Variants in RPGR observed in about 807,000 individuals in gnomAD.
RPGR encodes the protein X-linked retinitis pigmentosa GTPase regulator.
A neutral mutation model predicts 56.3 loss-of-function variants in RPGR; 10 were observed. That is an observed-to-expected ratio of 0.18 (90% CI 0.11 to 0.30). The LOEUF (loss-of-function observed/expected upper bound fraction) is 0.30. Among genes scored for constraint, RPGR ranks in the 10% least tolerant of loss-of-function variants. The pLI, the probability that RPGR is intolerant of heterozygous loss-of-function variation, is 1.00. For synonymous variants in RPGR, 197 were observed against 212.9 expected (o/e 0.93, Z 0.65); for missense variants, 538 against 590.9 (o/e 0.91, Z 0.93).
chrX:38,327,308 G>C (rs758593728), intron 1 of RPGR, 32 bp downstream of exon 1: 567 of 1,170,546 alleles, frequency 4.8e-4, no homozygotes, highest in South Asian at 1.0e-3. Flanking sequence ...CCTCCCTCCC[G>C]GCCTTCCGCC....
intron 9 of RPGR, among the ~76,000 whole-genome samples, chrX:38,300,841 CTTTG>C (rs2067489146): frequency 8.9e-6 from 1 of 112,268 alleles, no homozygotes; most frequent in South Asian, 3.6e-4. Context: ...TGCCAAAACG[CTTTG>C]TTTATTATCA....
intron 15 of RPGR, chrX:38,287,070 T>G: frequency 1.7e-6 from 2 of 1,211,186 alleles, no homozygotes; most frequent in Non-Finnish European, 2.2e-6. Flanking sequence ...CTTCTCCCAC[T>G]GATTTTGCCT....
Position 38,310,715 on chromosome X carries a change from A to C in RPGR, c.678T>G (p.Asn226Lys). 8.3e-7 allele frequency: 1 copy of C among 1,210,655 alleles called. No individual in the cohort carries two copies. Among genetic ancestry groups the C allele is most frequent in the Non-Finnish European group, 1.1e-6 (1 of 894,950 alleles). The change falls in exon 7 of 19, where the codon AAT (asparagine) becomes AAG (lysine). Residue 226 changes from asparagine to lysine, a missense_variant. Transcript: ENST00000642395. ...GTGTTCTGTGATTGCCCAGGAGCTGATTGGGAAGACCTAACTTCCCATTCT... is the reference window on the plus strand; with the variant it reads ...GTGTTCTGTGATTGCCCAGGAGCTGCTTGGGAAGACCTAACTTCCCATTCT...
intron 15 of RPGR, chrX:38,286,609 T>C: frequency 9.1e-7 from 1 of 1,101,973 alleles, no homozygotes; most frequent in Non-Finnish European, 1.2e-6. Context: ...TTCCTCCTCT[T>C]CCCCCTCTCC....
At chrX:38,288,415 C>G (rs1002371198) in intron 13 of RPGR, among the ~76,000 whole-genome samples, 1 of 112,011 alleles carries the variant, frequency 8.9e-6, no homozygotes, top group African/African-American at 3.2e-5. Flanking sequence ...TAAAAATGTA[C>G]ACTTCTTGGC....
chrX:38,296,030 T>A (rs2067373268), intron 11 of RPGR: 1 of 112,483 alleles, frequency 8.9e-6, no homozygotes, highest in South Asian at 3.7e-4. Flanking sequence ...TTATTTGCCA[T>A]TGGCCGGGCG....
chrX:38,287,792 T>C (rs763679938), intron 14 of RPGR, 69 bp downstream of exon 14: 1 of 975,574 alleles, frequency 1.0e-6, no homozygotes, highest in Non-Finnish European at 1.5e-6. Context: ...TTTTCATGTC[T>C]ATATACCTCT....
chrX:38,321,087 G>C lies in RPGR; in HGVS notation c.250C>G (p.Leu84Val). The change falls in exon 4 of 19, where the codon CTA (leucine) becomes GTA (valine). Residue 84 changes from leucine to valine, a missense_variant and splice_region_variant. Around this residue, in one of 2 missense-constraint regions of RPGR, gnomAD observed 181 missense variants for 265.1 expected, o/e 0.68. Coordinates refer to ENST00000642395, the MANE Select transcript of RPGR (RefSeq NM_000328.3). ...GCTAATTTCACTTTTTCAGGTTTTA[G>C]AGCTAAAAATATTTAAAATGGGACA... The C allele has an allele frequency of 8.4e-7, 1 of 1,184,610 alleles. No homozygotes were observed. Among genetic ancestry groups the C allele is most frequent in the Non-Finnish European group, 1.1e-6 (1 of 870,986 alleles).
intron 17 of RPGR, chrX:38,275,041 G>T (rs1221352143): frequency 1.1e-6 from 1 of 925,946 alleles, no homozygotes; most frequent in South Asian, 2.0e-5. Flanking sequence ...ACATATATAT[G>T]TGTGTATGTA....
intron 4 of RPGR, among the ~76,000 whole-genome samples, chrX:38,320,242 A>T (rs2067907758): frequency 1.1e-5 from 1 of 92,919 alleles, no homozygotes; most frequent in Non-Finnish European, 2.0e-5. Context: ...CAGTGAAAAC[A>T]TCCTGAAGAC....
At chrX:38,302,906 G>A (rs776680108) in intron 8 of RPGR, among the ~76,000 whole-genome samples, 85 of 106,471 alleles carry the variant, frequency 8.0e-4, no homozygotes, top group Non-Finnish European at 1.5e-3. Flanking sequence ...TGCCTCCCGG[G>A]TTCAAGTGAT....
At chrX:38,278,314 C>A (rs186988028) in intron 15 of RPGR, among the ~76,000 whole-genome samples, 32 of 112,474 alleles carry the variant, frequency 2.8e-4, no homozygotes, top group African/African-American at 9.4e-4. Flanking sequence ...AATCTTGGCT[C>A]ACTGCAACCT....
chrX:38,280,438 T>C (rs2067010877), intron 15 of RPGR, among the ~76,000 whole-genome samples: 1 of 111,147 alleles, frequency 9.0e-6, no homozygotes, highest in Admixed American at 9.6e-5. Flanking sequence ...GAAGGAGCCA[T>C]GGGAACTGGG....
intron 3 of RPGR, among the ~76,000 whole-genome samples, chrX:38,321,577 T>G (rs1426079111): frequency 9.2e-6 from 1 of 108,823 alleles, no homozygotes; most frequent in African/African-American, 3.4e-5. Context: ...GGAGAATGGC[T>G]GGAGCCCAGG....
intron 1 of RPGR, among the ~76,000 whole-genome samples, chrX:38,325,473 G>T (rs1005449436): frequency 8.9e-6 from 1 of 111,832 alleles, no homozygotes; most frequent in Non-Finnish European, 1.9e-5. Flanking sequence ...TTACCAAGTC[G>T]TCAACAAAGG....
intron 14 of RPGR, 88 bp downstream of exon 14, chrX:38,287,773 C>T (rs201147350): frequency 9.4e-5 from 80 of 854,295 alleles, no homozygotes; most frequent in Middle Eastern, 8.1e-4. Flanking sequence ...TTGATCAACA[C>T]CATTATTATT....
At chrX:38,311,276 A>C (rs2067712675) in intron 6 of RPGR, among the ~76,000 whole-genome samples, 1 of 112,057 alleles carries the variant, frequency 8.9e-6, no homozygotes, top group Non-Finnish European at 1.9e-5. Context: ...TCCTCCAAAG[A>C]CTCTTACCAA....
At position 38,298,995 on chromosome X, in the gene RPGR, C is replaced by T; in HGVS notation, c.1206G>A (p.Leu402=). Residue 402 remains leucine, a synonymous_variant, in exon 10 of 19, where the codon CTG becomes CTA. Transcript: ENST00000642395. ...GCATACGTGCTGATAGAGTCCTCTG[C>T]AGTACATTTCCTGAGGTTAAACTGC... 2 of 1,211,823 alleles carry T rather than the reference C, an allele frequency of 1.7e-6. No individual in the cohort carries two copies. The highest frequency in any genetic ancestry group is 2.2e-6 in the Non-Finnish European group (2 of 895,513).
Position 38,287,874 on chromosome X carries a change from T to A in RPGR, c.1740A>T (p.Ser580=), listed in dbSNP as rs1357638915. 8.3e-7 allele frequency: 1 copy of A among 1,210,649 alleles called. No individual in the cohort carries two copies. The highest frequency in any genetic ancestry group is 3.0e-5 in the East Asian group (1 of 33,840). Residue 580 remains serine, a synonymous_variant, in exon 14 of 19, where the codon TCA becomes TCT. Coordinates refer to ENST00000642395, the MANE Select transcript of RPGR (RefSeq NM_000328.3). ...CTGTGTCATTACCTACTTCCTCATC[T>A]GAAAATGCTTCGATAGTCGTAGCTG...
Sources: allele counts gnomAD v4.1 joint callset (sites outside exome capture counted in the v4.1 genomes callset), GRCh38; gene constraint gnomAD v4.1.1; regional missense constraint gnomAD v4.1.1; transcripts MANE v1.5; gene names NCBI Gene and HGNC (gene_info 2026-07-23, HGNC 2026-07-21).